The following MBD5 variants were observed in gnomAD, a reference collection of about 807,000 sequenced individuals.
The protein encoded by MBD5 is methyl-CpG binding domain protein 5.
Under a neutral mutation model 117.3 loss-of-function variants are expected in MBD5, and 13 were observed. That is an observed-to-expected ratio of 0.11 (90% CI 0.07 to 0.18). MBD5 has a LOEUF of 0.18. Among genes scored for constraint, MBD5 ranks in the 10% least tolerant of loss-of-function variants. The pLI is 1.00. For missense variants in MBD5, 1,879 were observed against 2,093.8 expected (o/e 0.90, Z 2.00); for synonymous variants, 727 against 766.4 (o/e 0.95, Z 0.85).
At chr2:148,147,723 T>G (rs551622741) in intron 1 of MBD5, among the ~76,000 whole-genome samples, 1 of 152,278 alleles carries the variant, frequency 6.6e-6, no homozygotes, top group African/African-American at 2.4e-5. Context: ...ACCTTTATGG[T>G]CAACTAATGA....
intron 8 of MBD5, 39 bp downstream of exon 8, chr2:148,470,500 A>G (rs764274864): frequency 9.4e-6 from 14 of 1,486,778 alleles, no homozygotes; most frequent in South Asian, 6.6e-5. Flanking sequence ...AAGGTACTAA[A>G]CTTTTCTACT....
At chr2:148,277,923 A>T (rs892874035) in intron 3 of MBD5, among the ~76,000 whole-genome samples, 11 of 152,200 alleles carry the variant, frequency 7.2e-5, no homozygotes, top group Non-Finnish European at 1.6e-4. Flanking sequence ...ATAAAGTCAG[A>T]TCACCTTCTT....
At chr2:148,328,924 C>T (rs760595776) in intron 3 of MBD5, among the ~76,000 whole-genome samples, 1 of 152,174 alleles carries the variant, frequency 6.6e-6, no homozygotes, top group Non-Finnish European at 1.5e-5. Context: ...TCAAGAATAT[C>T]ATTCTTATTT....
At chr2:148,144,939 T>A (rs1697413586) in intron 1 of MBD5, among the ~76,000 whole-genome samples, 1 of 152,176 alleles carries the variant, frequency 6.6e-6, no homozygotes, top group Non-Finnish European at 1.5e-5. Context: ...GGGCTCTTTT[T>A]TGGTTCCATA....
intron 3 of MBD5, among the ~76,000 whole-genome samples, chr2:148,245,126 C>A (rs1378401134): frequency 1.3e-5 from 2 of 152,200 alleles, no homozygotes; most frequent in African/African-American, 2.4e-5. Context: ...TGGCTCACGC[C>A]TGTAATCCCA....
intron 3 of MBD5, among the ~76,000 whole-genome samples, chr2:148,328,100 G>T (rs1205657171): frequency 6.6e-6 from 1 of 152,130 alleles, no homozygotes; most frequent in Non-Finnish European, 1.5e-5. Flanking sequence ...GTACCCGGCC[G>T]TGTGAGGTGT....
chr2:148,060,832 T>G (rs1695016975), intron 1 of MBD5, among the ~76,000 whole-genome samples: 1 of 152,198 alleles, frequency 6.6e-6, no homozygotes, highest in Non-Finnish European at 1.5e-5. Flanking sequence ...TAGAGATAAT[T>G]CTGCTGTTTA....
At chr2:148,107,212 T>C (rs1447269857) in intron 1 of MBD5, among the ~76,000 whole-genome samples, 2 of 152,096 alleles carry the variant, frequency 1.3e-5, no homozygotes, top group East Asian at 3.8e-4. Context: ...TTTTAGTGTG[T>C]TGAAGATATT....
At chr2:148,150,927 C>T (rs1294176801) in intron 1 of MBD5, among the ~76,000 whole-genome samples, 1 of 151,854 alleles carries the variant, frequency 6.6e-6, no homozygotes, top group East Asian at 1.9e-4. Flanking sequence ...ATTGAATACC[C>T]TTTATTTCCT....
At chr2:148,296,598 CT>C (rs1701655469) in intron 3 of MBD5, 1 of 177,340 alleles carries the variant, frequency 5.6e-6, no homozygotes, top group Non-Finnish European at 1.2e-5. Flanking sequence ...TGTTCATTGA[CT>C]GGAAACTGTT....
intron 1 of MBD5, among the ~76,000 whole-genome samples, chr2:148,135,925 G>A (rs984068784): frequency 6.6e-6 from 1 of 152,096 alleles, no homozygotes; most frequent in African/African-American, 2.4e-5. Flanking sequence ...AATTTTGGTC[G>A]TACCTTCTGA....
At chr2:148,068,982 C>T (rs1253588084) in intron 1 of MBD5, among the ~76,000 whole-genome samples, 2 of 152,060 alleles carry the variant, frequency 1.3e-5, no homozygotes, top group South Asian at 2.1e-4. Flanking sequence ...TTGAAAAACA[C>T]TTAGACTAAA....
intron 4 of MBD5, among the ~76,000 whole-genome samples, chr2:148,373,680 G>T (rs1201361208): frequency 6.6e-6 from 1 of 152,038 alleles, no homozygotes; most frequent in African/African-American, 2.4e-5. Context: ...ACCTTTTTTA[G>T]AGACTCTTGA....
At chr2:148,119,307 A>G (rs947338213) in intron 1 of MBD5, among the ~76,000 whole-genome samples, 1 of 151,992 alleles carries the variant, frequency 6.6e-6, no homozygotes, top group African/African-American at 2.4e-5. Flanking sequence ...CACATTTATA[A>G]CTTCTTTGGA....
intron 1 of MBD5, among the ~76,000 whole-genome samples, chr2:148,175,286 A>G (rs1487061621): frequency 1.3e-5 from 2 of 152,200 alleles, no homozygotes; most frequent in African/African-American, 2.4e-5. Context: ...TTAAGAAGGT[A>G]TAATTTTTTG....
intron 11 of MBD5, among the ~76,000 whole-genome samples, chr2:148,491,070 G>A (rs916995350): frequency 6.6e-6 from 1 of 152,248 alleles, no homozygotes; most frequent in Admixed American, 6.5e-5. Context: ...AGCTGGGAAG[G>A]GGGTACAGTC....
intron 4 of MBD5, among the ~76,000 whole-genome samples, chr2:148,410,725 C>T (rs1705222866): frequency 6.6e-6 from 1 of 152,214 alleles, no homozygotes; most frequent in East Asian, 1.9e-4. Flanking sequence ...GCTGGGGTTA[C>T]AGGCATGAGC....
At chr2:148,082,245 C>A (rs528006704) in intron 1 of MBD5, among the ~76,000 whole-genome samples, 44 of 152,288 alleles carry the variant, frequency 2.9e-4, no homozygotes, top group Middle Eastern at 6.8e-3. Flanking sequence ...ACAACAGCAT[C>A]TTTTATCTGA....
At chr2:148,262,163 T>A (rs1282178870) in intron 3 of MBD5, among the ~76,000 whole-genome samples, 1 of 150,744 alleles carries the variant, frequency 6.6e-6, no homozygotes, top group Non-Finnish European at 1.5e-5. Flanking sequence ...TGGGAAAAAA[T>A]GGCACCCATA....
Sources: allele counts gnomAD v4.1 joint callset (sites outside exome capture counted in the v4.1 genomes callset), GRCh38; gene constraint gnomAD v4.1.1; transcripts MANE v1.5; gene names NCBI Gene and HGNC (gene_info 2026-07-23, HGNC 2026-07-21).